Variants in LUZP2 observed in about 807,000 individuals in gnomAD.
LUZP2 encodes leucine zipper protein 2.
A neutral mutation model predicts 51.6 loss-of-function variants in LUZP2; 52 were observed. The ratio of observed to expected loss-of-function variants is 1.01; its 90% CI spans 0.81 to 1.27. The LOEUF is 1.27. LUZP2 is among the 50% of genes most tolerant of loss of function. LUZP2 has a pLI of 0.00. For synonymous variants in LUZP2, 154 were observed against 137.3 expected (o/e 1.12, Z -0.85); for missense variants, 436 against 395.4 (o/e 1.10, Z -0.87).
At position 24,999,617 on chromosome 11, in the gene LUZP2, C is replaced by T. The variant is rs577171982; in HGVS notation, c.765+16324C>T. Among the ~76,000 whole-genome samples the T allele has an allele frequency of 2.0e-4, 25 of 123,138 alleles. No individual in the cohort carries two copies. In the East Asian group the frequency reaches 8.2e-3, roughly 41 times the overall value. The allele number at this position is 123,138 out of a possible 152,430, so 80.8% of individuals were successfully genotyped here. ...CCTTGACCTCGTGATCTGCCCACCT[C>T]GGCCTCCAAAGTGCTGAGATTACAG... On this transcript the variant is annotated intron_variant, in intron 9 of 11. Transcript: ENST00000336930.
At chr11:24,640,334 A>G (rs1392213677) in intron 1 of LUZP2, among the ~76,000 whole-genome samples, 2 of 152,040 alleles carry the variant, frequency 1.3e-5, no homozygotes, top group East Asian at 1.9e-4. Context: ...ATACAGTACA[A>G]GAGATGACTG....
chr11:24,711,749 C>T (rs976756596), intron 1 of LUZP2, among the ~76,000 whole-genome samples: 1 of 152,008 alleles, frequency 6.6e-6, no homozygotes, highest in Admixed American at 6.6e-5. Flanking sequence ...TTTGCCTTTC[C>T]CTCTCATAAA....
intron 1 of LUZP2, among the ~76,000 whole-genome samples, chr11:24,577,254 A>C (rs2133814065): frequency 6.6e-6 from 1 of 152,164 alleles, no homozygotes. Flanking sequence ...TATATTACTC[A>C]TATTTTTTTA....
At chr11:24,860,666 C>A (rs370084583) in intron 5 of LUZP2, among the ~76,000 whole-genome samples, 1 of 151,882 alleles carries the variant, frequency 6.6e-6, no homozygotes, top group East Asian at 1.9e-4. Flanking sequence ...GAATAGGGCC[C>A]GAAGTGAACC....
At chr11:25,056,337 A>C (rs1858683446) in intron 10 of LUZP2, among the ~76,000 whole-genome samples, 1 of 152,170 alleles carries the variant, frequency 6.6e-6, no homozygotes, top group Non-Finnish European at 1.5e-5. Context: ...GAATTGAGGC[A>C]TTTGTGTGGA....
At chr11:24,695,105 A>G (rs1018700177) in intron 1 of LUZP2, among the ~76,000 whole-genome samples, 2 of 151,668 alleles carry the variant, frequency 1.3e-5, no homozygotes, top group Non-Finnish European at 2.9e-5. Flanking sequence ...ACTATGTCCA[A>G]AAAGTTTTCT....
At chr11:24,505,414 A>G (rs189004079) in intron 1 of LUZP2, among the ~76,000 whole-genome samples, 3 of 152,308 alleles carry the variant, frequency 2.0e-5, no homozygotes, top group Non-Finnish European at 2.9e-5. Flanking sequence ...AGAAATGTCA[A>G]TGAACATCTC....
At chr11:24,722,925 A>G (rs561239967) in intron 1 of LUZP2, among the ~76,000 whole-genome samples, 59 of 151,802 alleles carry the variant, frequency 3.9e-4, no homozygotes, top group Admixed American at 2.4e-3. Flanking sequence ...TTAAAAAAAA[A>G]AGAGAGAGAG....
chr11:24,672,673 T>C (rs1856434893), intron 1 of LUZP2, among the ~76,000 whole-genome samples: 1 of 152,198 alleles, frequency 6.6e-6, no homozygotes, highest in Non-Finnish European at 1.5e-5. Flanking sequence ...GTCATGGGAT[T>C]TCGTCCTTGT....
Position 25,081,029 on chromosome 11 carries a change from A to ATTTTTTTTTTTTTTTTT in LUZP2, c.*2376_*2392dup, listed in dbSNP as rs553696425. The ATTTTTTTTTTTTTTTTT allele has an allele frequency of 9.9e-6, 1 of 100,706 alleles. No homozygotes were observed. The highest frequency in any genetic ancestry group is 3.8e-5 in the African/African-American group (1 of 26,512). The allele number at this position is 100,706 out of a possible 1,614,324, so 6.2% of individuals were successfully genotyped here. On this transcript the variant is annotated 3_prime_UTR_variant, in exon 12 of 12. Coordinates refer to ENST00000336930, the MANE Select transcript of LUZP2 (RefSeq NM_001009909.4). ...ATCAAGTGGGCTTTGGATCCATATGATTTTTTTTTTTTTTTTTTTTTGAGA... is the reference window on the plus strand; with the variant it reads ...ATCAAGTGGGCTTTGGATCCATATGATTTTTTTTTTTTTTTTTTTTTTTTTTTTTTTTTTTTTTGAGA...
intron 1 of LUZP2, among the ~76,000 whole-genome samples, chr11:24,609,280 T>C (rs1414851036): frequency 6.6e-6 from 1 of 152,198 alleles, no homozygotes; most frequent in Non-Finnish European, 1.5e-5. Context: ...ATCCTAGCTC[T>C]GTAGCAGTGG....
intron 1 of LUZP2, among the ~76,000 whole-genome samples, chr11:24,609,410 G>T (rs1854041328): frequency 6.6e-6 from 1 of 152,044 alleles, no homozygotes; most frequent in African/African-American, 2.4e-5. Flanking sequence ...ACAACTGAGT[G>T]CTCTAGGAAA....
chr11:24,745,063 T>G (rs2133996992), intron 4 of LUZP2, among the ~76,000 whole-genome samples: 1 of 152,284 alleles, frequency 6.6e-6, no homozygotes, highest in East Asian at 1.9e-4. Flanking sequence ...TCCACTGTGG[T>G]CTGAGAGAGT....
At chr11:24,670,983 A>G (rs1179330782) in intron 1 of LUZP2, among the ~76,000 whole-genome samples, 2 of 151,658 alleles carry the variant, frequency 1.3e-5, no homozygotes, top group Admixed American at 1.3e-4. Flanking sequence ...ATTCTCTCTC[A>G]TTATTATTCT....
At chr11:24,926,027 A>G (rs996708169) in intron 7 of LUZP2, among the ~76,000 whole-genome samples, 2 of 151,874 alleles carry the variant, frequency 1.3e-5, no homozygotes, top group Non-Finnish European at 2.9e-5. Context: ...ACTTAGAATG[A>G]TGGTCTCCAA....
intron 1 of LUZP2, among the ~76,000 whole-genome samples, chr11:24,525,520 T>A (rs1313487575): frequency 6.6e-6 from 1 of 151,558 alleles, no homozygotes; most frequent in African/African-American, 2.4e-5. Flanking sequence ...ACGTAAAGAA[T>A]ATGTATGTTG....
chr11:24,633,962 G>GTATATA (rs753189196), intron 1 of LUZP2, among the ~76,000 whole-genome samples: 9,252 of 140,892 alleles, frequency 0.066, 399 homozygotes, highest in Admixed American at 0.13. Context: ...GTGTGTGTGT[G>GTATATA]TGTATATATA....
intron 6 of LUZP2, among the ~76,000 whole-genome samples, chr11:24,907,728 T>C (rs532405600): frequency 4.7e-4 from 72 of 152,298 alleles, no homozygotes; most frequent in African/African-American, 1.7e-3. Context: ...AGGAAGCTCC[T>C]ATGAGAAATA....
chr11:24,822,752 T>C (rs749143983), intron 5 of LUZP2, among the ~76,000 whole-genome samples: 3 of 152,196 alleles, frequency 2.0e-5, no homozygotes, highest in Non-Finnish European at 4.4e-5. Flanking sequence ...CATTTTGAGA[T>C]ATAATTCTGT....
Sources: gnomAD v4.1 joint callset for allele counts (sites outside exome capture counted in the v4.1 genomes callset) on GRCh38, gnomAD v4.1.1 for gene constraint, MANE v1.5 for transcripts, NCBI Gene and HGNC (gene_info 2026-07-23, HGNC 2026-07-21) for gene names.